The following FARP1 variants were observed in gnomAD, a reference collection of about 807,000 sequenced individuals.
FARP1 encodes FERM, ARHGEF and pleckstrin domain-containing protein 1.
FARP1 carries 52 observed loss-of-function variants against 128.8 expected under a neutral mutation model. The observed-to-expected ratio is 0.40, with a 90% CI of 0.32 to 0.51. FARP1 has a LOEUF of 0.51. Ranked by LOEUF, FARP1 falls within the 20% of genes least tolerant of loss-of-function variation. The probability of loss-of-function intolerance (pLI) is 0.45; values close to 1 mark genes in which losing one functional copy is unlikely to be tolerated. For missense variants in FARP1, 1,333 were observed against 1,367.9 expected (o/e 0.97, Z 0.40); for synonymous variants, 580 against 551.8 (o/e 1.05, Z -0.72).
intron 2 of FARP1, among the ~76,000 whole-genome samples, chr13:98,271,473 C>A (rs1275517583): frequency 1.3e-5 from 2 of 152,096 alleles, no homozygotes; most frequent in African/African-American, 2.4e-5. Context: ...ATACATGTGC[C>A]ATGGTGGTTT....
chr13:98,281,393 C>G (rs1479607484), intron 2 of FARP1, among the ~76,000 whole-genome samples: 2 of 151,992 alleles, frequency 1.3e-5, no homozygotes, highest in Admixed American at 6.6e-5. Flanking sequence ...AAGTTCCTTT[C>G]AGCAAGCTTG....
intron 2 of FARP1, among the ~76,000 whole-genome samples, chr13:98,259,895 G>GTGTGTGTGTGTGTGTGTGTGTGTA (rs1435166023): frequency 6.6e-6 from 1 of 150,876 alleles, no homozygotes; most frequent in Admixed American, 6.6e-5. Context: ...GTGTGTGTGT[G>GTGTGTGTGTGTGTGTGTGTGTGTA]TGTGTGTGTG....
chr13:98,201,879 C>T (rs1424826202), intron 1 of FARP1, among the ~76,000 whole-genome samples: 1 of 152,208 alleles, frequency 6.6e-6, no homozygotes, highest in Non-Finnish European at 1.5e-5. Context: ...GTACCCTGCT[C>T]GTAGACAGTT....
chr13:98,156,927 A>G (rs1378607743), intron 1 of FARP1, among the ~76,000 whole-genome samples: 1 of 152,146 alleles, frequency 6.6e-6, no homozygotes, highest in Non-Finnish European at 1.5e-5. Context: ...CTGAAATAGC[A>G]AAAACCAAAT....
chr13:98,286,189 C>CA (rs996328470), intron 2 of FARP1, among the ~76,000 whole-genome samples: 1 of 152,168 alleles, frequency 6.6e-6, no homozygotes, highest in African/African-American at 2.4e-5. Flanking sequence ...GCCAAGCAGT[C>CA]ACCAGATCTT....
chr13:98,356,276 G>A (rs1267738995), intron 3 of FARP1, among the ~76,000 whole-genome samples: 2 of 152,106 alleles, frequency 1.3e-5, no homozygotes, highest in South Asian at 2.1e-4. Flanking sequence ...TTCATTGTGC[G>A]GACATCACAG....
At chr13:98,151,879 C>T (rs1293121847) in intron 1 of FARP1, among the ~76,000 whole-genome samples, 1 of 151,832 alleles carries the variant, frequency 6.6e-6, no homozygotes, top group Admixed American at 6.6e-5. Flanking sequence ...CTAGGTTAGT[C>T]TCAAACTCCT....
intron 2 of FARP1, among the ~76,000 whole-genome samples, chr13:98,252,762 C>T (rs1464908310): frequency 6.6e-6 from 1 of 152,176 alleles, no homozygotes; most frequent in Non-Finnish European, 1.5e-5. Flanking sequence ...AAGAAAGTGT[C>T]CAGTGTTGTT....
At chr13:98,374,250 C>A (rs1889477748) in intron 5 of FARP1, among the ~76,000 whole-genome samples, 1 of 152,086 alleles carries the variant, frequency 6.6e-6, no homozygotes, top group African/African-American at 2.4e-5. Context: ...ACAGGGAGAC[C>A]TGTCTCTACA....
In FARP1 at chr13:98,439,948, C is replaced by T; in HGVS notation, c.2434-13C>T. On this transcript the variant is annotated splice_polypyrimidine_tract_variant and intron_variant, in intron 21 of 26. Transcript: ENST00000319562. ...ACGTGCCTCATGGTGACGTTATCTT[C>T]TCTTGCCCACAGATTGAGGAGAGCG... 6.5e-7 allele frequency: 1 copy of T among 1,542,286 alleles called. No individual in the cohort carries two copies. The highest frequency in any genetic ancestry group is 8.8e-7 in the Non-Finnish European group (1 of 1,137,608).
intron 2 of FARP1, among the ~76,000 whole-genome samples, chr13:98,267,689 T>G (rs1375845424): frequency 6.6e-6 from 1 of 152,200 alleles, no homozygotes; most frequent in African/African-American, 2.4e-5. Context: ...ATCCAGACAG[T>G]GTATGTCCCC....
chr13:98,180,353 A>G (rs1878419848), intron 1 of FARP1, among the ~76,000 whole-genome samples: 2 of 152,048 alleles, frequency 1.3e-5, no homozygotes, highest in South Asian at 4.2e-4. Context: ...AATGGTGCTA[A>G]ACCACTCATG....
chr13:98,371,405 T>A (rs1316052210), intron 5 of FARP1, among the ~76,000 whole-genome samples: 2 of 152,138 alleles, frequency 1.3e-5, no homozygotes, highest in Non-Finnish European at 2.9e-5. Context: ...TCAGTGCTGA[T>A]AAATTCCTAA....
At chr13:98,147,233 C>T (rs1188885717) in intron 1 of FARP1, among the ~76,000 whole-genome samples, 1 of 152,140 alleles carries the variant, frequency 6.6e-6, no homozygotes. Flanking sequence ...ATATCATGCT[C>T]GAAGCTTTTG....
At chr13:98,382,689 G>A (rs1465645839) in intron 6 of FARP1, 2 of 151,860 alleles carry the variant, frequency 1.3e-5, no homozygotes, top group African/African-American at 4.8e-5. Context: ...GTCACCTGAT[G>A]TGCATTCCCA....
intron 1 of FARP1, among the ~76,000 whole-genome samples, chr13:98,167,022 C>T (rs967405124): frequency 4.6e-5 from 7 of 152,104 alleles, no homozygotes; most frequent in African/African-American, 9.7e-5. Context: ...CCACCACACC[C>T]GGTCCAGTTT....
chr13:98,327,137 T>C (rs1265722404), intron 2 of FARP1, among the ~76,000 whole-genome samples: 1 of 152,224 alleles, frequency 6.6e-6, no homozygotes, highest in East Asian at 1.9e-4. Context: ...TGTCAAATCA[T>C]AGAAGTATTA....
intron 6 of FARP1, among the ~76,000 whole-genome samples, chr13:98,379,140 A>AT: frequency 1.1e-5 from 1 of 92,888 alleles, no homozygotes; most frequent in African/African-American, 6.3e-5. Flanking sequence ...TATAATATAT[A>AT]ATCTATATAT....
At chr13:98,150,072 C>T (rs553167861) in intron 1 of FARP1, among the ~76,000 whole-genome samples, 5 of 151,114 alleles carry the variant, frequency 3.3e-5, no homozygotes, top group African/African-American at 9.7e-5. Context: ...GAGTCTCACT[C>T]TGTCACCCAG....
Sources: allele counts gnomAD v4.1 joint callset (sites outside exome capture counted in the v4.1 genomes callset), GRCh38; gene constraint gnomAD v4.1.1; transcripts MANE v1.5; gene names NCBI Gene and HGNC (gene_info 2026-07-23, HGNC 2026-07-21).